MGRN1: variants seen among roughly 807,000 people sequenced by gnomAD.
MGRN1 encodes mahogunin ring finger 1.
In MGRN1, 29 loss-of-function variants were observed where a neutral mutation model predicts 69.2. The ratio of observed to expected loss-of-function variants is 0.42; its 90% CI spans 0.31 to 0.57. The LOEUF (loss-of-function observed/expected upper bound fraction) is 0.57. MGRN1 is among the 20% of genes least tolerant of loss of function. MGRN1 has a pLI of 0.15. For synonymous variants in MGRN1, 470 were observed against 344.2 expected, an observed-to-expected ratio of 1.37 and a Z score of -4.04; for missense variants, 998 against 796.2, an observed-to-expected ratio of 1.25 and a Z score of -3.05.
intron 8 of MGRN1, 21 bp downstream of exon 8, chr16:4,668,333 T>C (rs763918690): frequency 1.4e-5 from 23 of 1,612,856 alleles, no homozygotes; most frequent in Admixed American, 8.4e-5. Context: ...AGAGGAAATA[T>C]GACGTGCTTG....
chr16:4,661,721 T>A (rs561280978), intron 5 of MGRN1, among the ~76,000 whole-genome samples: 33 of 152,346 alleles, frequency 2.2e-4, no homozygotes, highest in Admixed American at 1.2e-3. Flanking sequence ...TCCACCTCTG[T>A]CCATGTGTGC....
rs558349971 is a variant in MGRN1, at chr16:4,642,146, T to A, written c.89-8219T>A. ...TTGGTTCCTTTTTTTTTTTTTTTTT[T>A]AAAAAAGACCGTCTTGCTCTTTCGC... On this transcript the variant is annotated intron_variant, in intron 1 of 16. Transcript: ENST00000262370. 8.3e-4 allele frequency among the ~76,000 whole-genome samples: 123 copies of A among 147,790 alleles called. 1 individual carries two copies. Among genetic ancestry groups the A allele is most frequent in the Middle Eastern group, 3.5e-3 (1 of 282 alleles).
At chr16:4,626,946 T>A (rs1242890389) in intron 1 of MGRN1, among the ~76,000 whole-genome samples, 1 of 152,238 alleles carries the variant, frequency 6.6e-6, no homozygotes, top group Non-Finnish European at 1.5e-5. Flanking sequence ...GCTTTTTCCC[T>A]TTCTCTTCTC....
chr16:4,637,052 G>A (rs1229869701), intron 1 of MGRN1, among the ~76,000 whole-genome samples: 1 of 148,222 alleles, frequency 6.7e-6, no homozygotes, highest in Admixed American at 6.8e-5. Context: ...CTGGGAGGTG[G>A]AGCTTGCAGT....
At chr16:4,673,170 G>A (rs867597571) in intron 9 of MGRN1, among the ~76,000 whole-genome samples, 3 of 152,102 alleles carry the variant, frequency 2.0e-5, no homozygotes, top group South Asian at 2.1e-4. Flanking sequence ...CAAAGATAAC[G>A]GGTACCCTGA....
intron 10 of MGRN1, among the ~76,000 whole-genome samples, chr16:4,675,715 CAG>C (rs2079039297): frequency 1.4e-5 from 2 of 145,638 alleles, no homozygotes; most frequent in Non-Finnish European, 3.0e-5. Context: ...GCCTGAGAGA[CAG>C]GGGAAGACCC....
intron 1 of MGRN1, among the ~76,000 whole-genome samples, chr16:4,646,670 G>A (rs544819068): frequency 1.3e-5 from 2 of 152,268 alleles, no homozygotes; most frequent in Admixed American, 6.5e-5. Context: ...CATTTCATGC[G>A]GTCACCTGGT....
Position 4,673,555 on chromosome 16 carries a change from C to A in MGRN1, c.853C>A (p.Leu285Met). ...CGAGTGTGTGGTGTGCCTGTCCGAC[C>A]TGCGGGACACGCTGATCCTGCCCTG... Reference protein sequence around the residue: ...SNECVVCLSDLRDTLILPCRH... With the variant: ...SNECVVCLSDMRDTLILPCRH... The change falls in exon 10 of 17, where the codon CTG (leucine) becomes ATG (methionine). Residue 285 changes from leucine to methionine, a missense_variant. Transcript: ENST00000262370. 1.9e-6 allele frequency: 3 copies of A among 1,613,824 alleles called. No homozygotes were observed. In the Middle Eastern group the frequency reaches 4.9e-4, roughly 266 times the overall value.
In MGRN1 at chr16:4,681,678, G is replaced by C. The variant is rs373817414; in HGVS notation, c.1260G>C (p.Ser420=). ...LYEEITYSGI[S]DGLSQASCPL... ...AAGAAATCACCTATTCAGGCATCTC[G>C]GACGGCCTGTCCCAGGCCAGCTGTC... The change falls in exon 13 of 17, where the codon TCG becomes TCC. Residue 420 remains serine, a synonymous_variant. Transcript: ENST00000262370. The C allele has an allele frequency of 1.9e-6, 3 of 1,613,424 alleles. No homozygotes were observed. Among genetic ancestry groups the C allele is most frequent in the Non-Finnish European group, 2.5e-6 (3 of 1,180,016 alleles).
At position 4,676,876 on chromosome 16, in the gene MGRN1, G is replaced by A. The variant is rs139455471; in HGVS notation, c.956-587G>A. ...ATGTTTTTGCCTCAGTTTCCCCAGCGTGACTCCCCACTTCAGCTTCCTCAG... is the reference window on the plus strand; with the variant it reads ...ATGTTTTTGCCTCAGTTTCCCCAGCATGACTCCCCACTTCAGCTTCCTCAG... On this transcript the variant is annotated intron_variant, in intron 10 of 16. Transcript: ENST00000262370. 9.6e-3 allele frequency: 1,459 copies of A among 152,574 alleles called. 28 individuals carry two copies. The highest frequency in any genetic ancestry group is 0.033 in the African/African-American group (1,371 of 41,524). The allele number at this position is 152,574 out of a possible 1,614,324, so 9.5% of individuals were successfully genotyped here. A position where few individuals can be genotyped will look rare whatever the true frequency, so the allele number is the denominator to read the frequency against.
At chr16:4,683,738 A>G (rs2079242851) in intron 15 of MGRN1, 105 bp from the exon 16 acceptor site, 8 of 942,776 alleles carry the variant, frequency 8.5e-6, no homozygotes, top group Non-Finnish European at 1.3e-5. Context: ...GGGTCCCCAC[A>G]GTGGCTACAG....
chr16:4,659,309 G>T (rs545766470), intron 5 of MGRN1, among the ~76,000 whole-genome samples: 4 of 152,174 alleles, frequency 2.6e-5, no homozygotes, highest in African/African-American at 9.7e-5. Flanking sequence ...GCTGTGTGGC[G>T]TGTGTGCTGA....
intron 5 of MGRN1, among the ~76,000 whole-genome samples, chr16:4,660,707 A>G (rs1254822914): frequency 1.3e-5 from 2 of 152,226 alleles, no homozygotes; most frequent in Non-Finnish European, 2.9e-5. Flanking sequence ...TCCGGGCTTC[A>G]TGACAGCCCT....
chr16:4,648,590 C>T (rs1195490514), intron 1 of MGRN1, among the ~76,000 whole-genome samples: 2 of 106,454 alleles, frequency 1.9e-5, no homozygotes, highest in Non-Finnish European at 1.8e-5. Context: ...GGTCCTCCTC[C>T]CGGGGCTCTT....
rs76079001 is a variant in MGRN1 at position 4,684,944 on chromosome 16, G to T, written c.1618+1012G>T. On this transcript the variant is annotated intron_variant, in intron 16 of 16. Transcript: ENST00000262370. ...ACCTGGTGACCTGGGCCTGACATTG[G>T]GTGGTTGTGACGTGCTTTAGTTGGA... 3.1e-3 allele frequency among the ~76,000 whole-genome samples: 479 copies of T among 152,324 alleles called. 2 individuals are homozygous for T. Among genetic ancestry groups the T allele is most frequent in the African/African-American group, 0.011 (457 of 41,578 alleles).
chr16:4,657,178 T>C, intron 4 of MGRN1, 68 bp from the exon 5 acceptor site: 2 of 1,440,866 alleles, frequency 1.4e-6, no homozygotes, highest in Non-Finnish European at 1.9e-6. Flanking sequence ...GCTGTCGGAG[T>C]GGGAGGGACG....
At position 4,671,375 on chromosome 16, in the gene MGRN1, C is replaced by T; in HGVS notation, c.727-16C>T. 2 of 1,613,902 alleles carry T rather than the reference C, an allele frequency of 1.2e-6. No homozygotes were observed. Among genetic ancestry groups the T allele is most frequent in the East Asian group, 4.5e-5 (2 of 44,870 alleles). On this transcript the variant is annotated splice_polypyrimidine_tract_variant and intron_variant, in intron 8 of 16. Transcript: ENST00000262370. Reference sequence around the variant, plus strand: ...GCAGTTGGCGAGGGCCCAGTGAGCCCCTCTCTGCTCTCCAGGTGGACCGGG... The same window carrying T: ...GCAGTTGGCGAGGGCCCAGTGAGCCTCTCTCTGCTCTCCAGGTGGACCGGG...
At position 4,683,839 on chromosome 16, in the gene MGRN1, G is replaced by A. The variant is rs554572736; in HGVS notation, c.1529-4G>A. ...AGGTCCCTAACCTCACCCTCTGCCT[G>A]CAGGGACCCGAGCAGCTTCCATTGA... On this transcript the variant is annotated splice_polypyrimidine_tract_variant and splice_region_variant and intron_variant, in intron 15 of 16. Coordinates refer to ENST00000262370, the MANE Select transcript of MGRN1 (RefSeq NM_015246.4). 1.9e-6 allele frequency: 3 copies of A among 1,612,432 alleles called. No homozygotes were observed. Among genetic ancestry groups the A allele is most frequent in the South Asian group, 1.1e-5 (1 of 90,850 alleles).
chr16:4,637,191 A>T (rs1898345248), intron 1 of MGRN1, among the ~76,000 whole-genome samples: 1 of 149,040 alleles, frequency 6.7e-6, no homozygotes, highest in East Asian at 2.0e-4. Context: ...GCACTTTGGG[A>T]GGCTGAGGCG....
Sources: gnomAD v4.1 joint callset for allele counts (sites outside exome capture counted in the v4.1 genomes callset) on GRCh38, gnomAD v4.1.1 for gene constraint, MANE v1.5 for transcripts, NCBI Gene and HGNC (gene_info 2026-07-23, HGNC 2026-07-21) for gene names.